BMP8A: variants seen among roughly 807,000 people sequenced by gnomAD.
The protein encoded by BMP8A is bone morphogenetic protein 8a.
In BMP8A, 14 loss-of-function variants were observed where a neutral mutation model predicts 36.8. The observed-to-expected ratio is 0.38, with a 90% CI of 0.25 to 0.60. The LOEUF (loss-of-function observed/expected upper bound fraction) is 0.60, where lower values mean the gene tolerates loss of function less well. BMP8A is among the 20% of genes least tolerant of loss of function. BMP8A has a pLI of 0.63. For synonymous variants in BMP8A, 120 were observed against 237.7 expected, an observed-to-expected ratio of 0.50 and a Z score of 4.55; for missense variants, 267 against 551.1, an observed-to-expected ratio of 0.48 and a Z score of 5.16.
chr1:39,523,195 A>T, intron 6 of BMP8A, 78 bp downstream of exon 6: 1 of 1,497,106 alleles, frequency 6.7e-7, no homozygotes, highest in Admixed American at 1.9e-5. Flanking sequence ...GCCAGCCGGG[A>T]GGGCAGTGAG....
Position 39,492,130 on chromosome 1 carries a change from G to A in BMP8A, c.139G>A (p.Glu47Lys), listed in dbSNP as rs1027717038. The change falls in exon 1 of 7, where the codon GAG becomes AAG. Residue 47 changes from glutamate to lysine, a missense_variant. Coordinates refer to ENST00000331593, the MANE Select transcript of BMP8A (RefSeq NM_181809.4). ...GARERRDVQR[E>K]ILAVLGLPGR... ...GCGCGAGCGCCGGGACGTGCAGCGCGAGATCCTGGCGGTGCTCGGGCTACC... is the reference window on the plus strand; with the variant it reads ...GCGCGAGCGCCGGGACGTGCAGCGCAAGATCCTGGCGGTGCTCGGGCTACC... 6.5e-6 allele frequency: 8 copies of A among 1,237,004 alleles called. No homozygotes were observed. The highest frequency in any genetic ancestry group is 8.1e-6 in the Non-Finnish European group (8 of 993,130). 76.6% of individuals were successfully genotyped at this position (1,237,004 alleles called of 1,614,324 possible).
At chr1:39,516,939 T>C (rs1469044389) in intron 3 of BMP8A, among the ~76,000 whole-genome samples, 4 of 151,896 alleles carry the variant, frequency 2.6e-5, no homozygotes, top group Admixed American at 2.6e-4. Flanking sequence ...GAGTTTGTGA[T>C]TGGAAGACAT....
intron 1 of BMP8A, among the ~76,000 whole-genome samples, chr1:39,501,577 G>C (rs766810979): frequency 2.0e-5 from 3 of 152,166 alleles, no homozygotes; most frequent in Non-Finnish European, 2.9e-5. Context: ...AAAACAAAGA[G>C]CTAAAGTGCA....
intron 1 of BMP8A, among the ~76,000 whole-genome samples, chr1:39,503,828 CT>C (rs1435858962): frequency 6.6e-6 from 1 of 152,036 alleles, no homozygotes; most frequent in Non-Finnish European, 1.5e-5. Flanking sequence ...ATAGTCTTAA[CT>C]GCTCAGGAGG....
chr1:39,495,896 G>C (rs1645201031), intron 1 of BMP8A, among the ~76,000 whole-genome samples: 2 of 152,194 alleles, frequency 1.3e-5, no homozygotes, highest in Admixed American at 6.5e-5. Flanking sequence ...AGTCCAGCCA[G>C]GATCAGAATG....
intron 1 of BMP8A, among the ~76,000 whole-genome samples, chr1:39,495,918 A>C (rs1195965971): frequency 6.6e-6 from 1 of 152,038 alleles, no homozygotes; most frequent in African/African-American, 2.4e-5. Flanking sequence ...AGGCAGCTTC[A>C]TTTTTGTCCT....
chr1:39,492,391 G>T, intron 1 of BMP8A, 66 bp downstream of exon 1: 1 of 1,421,908 alleles, frequency 7.0e-7, no homozygotes, highest in Non-Finnish European at 9.1e-7. Context: ...GCGCGCATCC[G>T]CGGGCGGTGC....
At chr1:39,500,123 C>G (rs751334581) in intron 1 of BMP8A, among the ~76,000 whole-genome samples, 1 of 152,216 alleles carries the variant, frequency 6.6e-6, no homozygotes, top group South Asian at 2.1e-4. Context: ...CCACACCAGC[C>G]TCCTTGATGT....
chr1:39,499,758 T>G (rs1645237484), intron 1 of BMP8A, among the ~76,000 whole-genome samples: 1 of 152,166 alleles, frequency 6.6e-6, no homozygotes, highest in South Asian at 2.1e-4. Context: ...AAGTAACCTT[T>G]TCTGCCTCCC....
intron 3 of BMP8A, among the ~76,000 whole-genome samples, chr1:39,517,539 G>A (rs1645402664): frequency 6.6e-6 from 1 of 152,064 alleles, no homozygotes; most frequent in African/African-American, 2.4e-5. Flanking sequence ...TGGCCAGGCT[G>A]GTCTCAAACT....
At chr1:39,522,767 G>A (rs1452631556) in intron 5 of BMP8A, among the ~76,000 whole-genome samples, 5 of 152,166 alleles carry the variant, frequency 3.3e-5, no homozygotes, top group Non-Finnish European at 5.9e-5. Flanking sequence ...GGCTACGACT[G>A]CAGCTCTGGG....
rs1297190001 is a variant in BMP8A at position 39,491,798 on chromosome 1, G to C, written c.-194G>C. 1 of 292,438 alleles carries C rather than the reference G, an allele frequency of 3.4e-6. No individual in the cohort carries two copies. The highest frequency in any genetic ancestry group is 6.1e-5 in the Admixed American group (1 of 16,344). 18.1% of individuals were successfully genotyped at this position (292,438 alleles called of 1,614,324 possible). On this transcript the variant is annotated 5_prime_UTR_variant, in exon 1 of 7. Transcript: ENST00000331593. ...AGCGTTGGCGTCTGCGTCCGCGTCAGCGTCCGCTTGTCCCGGAGCCGGGGC... is the reference window on the plus strand; with the variant it reads ...AGCGTTGGCGTCTGCGTCCGCGTCACCGTCCGCTTGTCCCGGAGCCGGGGC...
At chr1:39,523,331 C>T (rs552340829) in intron 6 of BMP8A, among the ~76,000 whole-genome samples, 6 of 152,338 alleles carry the variant, frequency 3.9e-5, no homozygotes, top group South Asian at 4.1e-4. Context: ...CACCCAAACA[C>T]GGACACACGT....
chr1:39,511,119 C>G (rs1645350506), intron 1 of BMP8A, 55 bp from the exon 2 acceptor site: 13 of 1,479,756 alleles, frequency 8.8e-6, no homozygotes, highest in Admixed American at 1.9e-5. Flanking sequence ...CAGCTCTGCC[C>G]CCTCCAGAGC....
chr1:39,508,113 T>A (rs756174998), intron 1 of BMP8A, among the ~76,000 whole-genome samples: 3 of 152,102 alleles, frequency 2.0e-5, no homozygotes, highest in Non-Finnish European at 4.4e-5. Context: ...TAGCTAGGCG[T>A]GGTTGCTGGC....
intron 1 of BMP8A, among the ~76,000 whole-genome samples, chr1:39,504,584 C>A (rs1321183584): frequency 6.6e-6 from 1 of 152,056 alleles, no homozygotes; most frequent in African/African-American, 2.4e-5. Flanking sequence ...GGTTCAAGCC[C>A]CACATTGGGC....
intron 3 of BMP8A, among the ~76,000 whole-genome samples, chr1:39,517,100 C>T (rs147280186): frequency 6.6e-6 from 1 of 152,208 alleles, no homozygotes; most frequent in East Asian, 1.9e-4. Flanking sequence ...GCAATCCTAA[C>T]TCAGCCTCCT....
At chr1:39,508,412 C>T (rs142373980) in intron 1 of BMP8A, among the ~76,000 whole-genome samples, 194 of 152,330 alleles carry the variant, frequency 1.3e-3, no homozygotes, top group African/African-American at 4.4e-3. Flanking sequence ...GAGCCATGGC[C>T]GCCACTCCTA....
chr1:39,508,213 T>C (rs1162324063), intron 1 of BMP8A, among the ~76,000 whole-genome samples: 2 of 149,086 alleles, frequency 1.3e-5, no homozygotes, highest in African/African-American at 5.0e-5. Flanking sequence ...ATCGTGCCAC[T>C]GCACTGCAGC....
Sources: gnomAD v4.1 joint callset for allele counts (sites outside exome capture counted in the v4.1 genomes callset) on GRCh38, gnomAD v4.1.1 for gene constraint, MANE v1.5 for transcripts, NCBI Gene and HGNC (gene_info 2026-07-23, HGNC 2026-07-21) for gene names.